Variants in MOBP observed in about 807,000 individuals in gnomAD.
MOBP encodes the protein myelin-associated oligodendrocyte basic protein.
A neutral mutation model predicts 15.0 loss-of-function variants in MOBP; 5 were observed. The observed-to-expected ratio is 0.33, with a 90% CI of 0.17 to 0.70. The LOEUF (loss-of-function observed/expected upper bound fraction) is 0.70. Ranked by LOEUF, MOBP falls within the 30% of genes least tolerant of loss-of-function variation. The probability of loss-of-function intolerance (pLI) is 0.67; values close to 1 mark genes in which losing one functional copy is unlikely to be tolerated. For missense variants in MOBP, 188 were observed against 257.8 expected (o/e 0.73, Z 1.85); for synonymous variants, 88 against 99.0 (o/e 0.89, Z 0.66).
chr3:39,501,452 G>A lies in MOBP; in HGVS notation c.-4-614G>A, dbSNP rs145226673. 1.3e-3 allele frequency among the ~76,000 whole-genome samples: 197 copies of A among 152,238 alleles called. 1 individual carries two copies. The highest frequency in any genetic ancestry group is 4.7e-3 in the African/African-American group (194 of 41,534). Reference sequence around the variant, plus strand: ...GCTCCCCTGTTGCCCCTTCTGAGTCGGAACCCACCTTCTCCAAATATAACT... The same window carrying A: ...GCTCCCCTGTTGCCCCTTCTGAGTCAGAACCCACCTTCTCCAAATATAACT... On this transcript the variant is annotated intron_variant, in intron 2 of 3. Coordinates refer to ENST00000684792, the MANE Select transcript of MOBP (RefSeq NM_001393704.1).
At chr3:39,484,652 TG>T (rs2042675548) in intron 2 of MOBP, among the ~76,000 whole-genome samples, 1 of 152,270 alleles carries the variant, frequency 6.6e-6, no homozygotes, top group Non-Finnish European at 1.5e-5. Context: ...AAGGGTATCA[TG>T]TTATTTACAT....
chr3:39,475,004 C>T (rs1285259151), intron 1 of MOBP, among the ~76,000 whole-genome samples: 1 of 152,172 alleles, frequency 6.6e-6, no homozygotes, highest in African/African-American at 2.4e-5. Context: ...AGTTTTACCA[C>T]TAAAGTCCTA....
chr3:39,482,682 C>T (rs1466280327), intron 2 of MOBP, among the ~76,000 whole-genome samples: 5 of 148,526 alleles, frequency 3.4e-5, no homozygotes, highest in African/African-American at 1.2e-4. Flanking sequence ...GCACCTCTGA[C>T]TATGACATAT....
chr3:39,493,857 A>G (rs751127657), intron 2 of MOBP, among the ~76,000 whole-genome samples: 2 of 152,204 alleles, frequency 1.3e-5, no homozygotes, highest in African/African-American at 2.4e-5. Flanking sequence ...GGTAAAAGAC[A>G]GGGGAAGGAA....
At chr3:39,469,268 G>T (rs2042430704) in intron 1 of MOBP, among the ~76,000 whole-genome samples, 1 of 135,680 alleles carries the variant, frequency 7.4e-6, no homozygotes, top group South Asian at 2.4e-4. Flanking sequence ...GTGTGTATAT[G>T]TATAGATATA....
chr3:39,492,938 A>C (rs72870916), intron 2 of MOBP, among the ~76,000 whole-genome samples: 2,682 of 152,200 alleles, frequency 0.018, 77 homozygotes, highest in African/African-American at 0.061. Flanking sequence ...ACCTGCATCT[A>C]CCCTTCATTC....
intron 4 of MOBP, among the ~76,000 whole-genome samples, chr3:39,510,422 T>C (rs1315589984): frequency 6.6e-6 from 1 of 152,170 alleles, no homozygotes; most frequent in Non-Finnish European, 1.5e-5. Flanking sequence ...TGGGGAAAAC[T>C]ATAACAATAC....
At chr3:39,518,019 A>G (rs917729127), downstream of MOBP, among the ~76,000 whole-genome samples, 1 of 152,256 alleles carries the variant, frequency 6.6e-6, no homozygotes, top group Admixed American at 6.5e-5. Context: ...CAAATCAGTT[A>G]TCTATCATAA....
At position 39,502,369 on chromosome 3, in the gene MOBP, C is replaced by T. The variant is rs1312111497; in HGVS notation, c.206+94C>T. The T allele has an allele frequency of 2.5e-6, 4 of 1,571,350 alleles. No homozygotes were observed. The highest frequency in any genetic ancestry group is 2.3e-5 in the South Asian group (2 of 86,246). ...TCCCGCTCCGCACCCCACTCTTCCCCCTAGTCGGCTCCGGGTTAGGCTCCG... is the reference window on the plus strand; with the variant it reads ...TCCCGCTCCGCACCCCACTCTTCCCTCTAGTCGGCTCCGGGTTAGGCTCCG... On this transcript the variant is annotated intron_variant, in intron 3 of 3. Coordinates refer to ENST00000684792, the MANE Select transcript of MOBP (RefSeq NM_001393704.1). This position sits in a 1 kb window ranked among gnomAD's most constrained non-coding sequence, Gnocchi z 6.3.
chr3:39,481,862 G>A (rs997213659), intron 2 of MOBP, among the ~76,000 whole-genome samples: 8 of 152,136 alleles, frequency 5.3e-5, no homozygotes, highest in African/African-American at 1.9e-4. Context: ...TGAGCATTCC[G>A]TCTTTTGAAA....
At chr3:39,505,615 TAGGTTAGCC>T (rs1047432455), downstream of MOBP, among the ~76,000 whole-genome samples, 1 of 152,228 alleles carries the variant, frequency 6.6e-6, no homozygotes, top group Non-Finnish European at 1.5e-5. Context: ...TGCAGAGGCC[TAGGTTAGCC>T]AGAGAGGCTT....
chr3:39,527,283 C>G (rs1249321629), downstream of MOBP: 1 of 152,012 alleles, frequency 6.6e-6, no homozygotes, highest in Non-Finnish European at 1.5e-5. Flanking sequence ...CATAAATATA[C>G]AAAGGCACTA....
At chr3:39,493,727 A>G (rs2125645565) in intron 2 of MOBP, among the ~76,000 whole-genome samples, 1 of 152,346 alleles carries the variant, frequency 6.6e-6, no homozygotes, top group Non-Finnish European at 1.5e-5. Context: ...ACACAAAGGA[A>G]GGAGGTATGA....
intron 1 of MOBP, 91 bp downstream of exon 1, chr3:39,467,831 A>G (rs1254076010): frequency 6.6e-6 from 1 of 152,204 alleles, no homozygotes. Context: ...CCATTTCATT[A>G]TATCCCAGGG....
chr3:39,479,569 G>T (rs1188328556), intron 1 of MOBP, among the ~76,000 whole-genome samples: 1 of 151,958 alleles, frequency 6.6e-6, no homozygotes, highest in Admixed American at 6.6e-5. Context: ...GTGATATACA[G>T]CACAAAGAAC....
intron 1 of MOBP, among the ~76,000 whole-genome samples, chr3:39,473,970 G>A (rs2042505670): frequency 6.6e-6 from 1 of 152,202 alleles, no homozygotes. Context: ...AGTAAAGTGA[G>A]CTGGGGAGGT....
At position 39,487,902 on chromosome 3, in the gene MOBP, G is replaced by A. The variant is rs550650333; in HGVS notation, c.-5+7779G>A. Reference sequence around the variant, plus strand: ...TCATCACATGCCACAAAAGACTGTTGGTGATTTTAGTAAGAAATGCATGAA... The same window carrying A: ...TCATCACATGCCACAAAAGACTGTTAGTGATTTTAGTAAGAAATGCATGAA... On this transcript the variant is annotated intron_variant, in intron 2 of 3. Transcript: ENST00000684792. Among the ~76,000 whole-genome samples, 3 of 152,112 alleles carry A rather than the reference G, an allele frequency of 2.0e-5. No homozygotes were observed. In the East Asian group the frequency reaches 5.8e-4, roughly 29 times the overall value.
downstream of MOBP, among the ~76,000 whole-genome samples, chr3:39,503,658 T>TTTA (rs2043009802): frequency 4.1e-5 from 6 of 147,890 alleles, no homozygotes; most frequent in African/African-American, 1.5e-4. Flanking sequence ...CTGGCCAATT[T>TTTA]TTTATTTATT....
At chr3:39,475,131 T>C (rs955844790) in intron 1 of MOBP, among the ~76,000 whole-genome samples, 10 of 152,288 alleles carry the variant, frequency 6.6e-5, no homozygotes, top group African/African-American at 2.4e-4. Flanking sequence ...CCTTTAGACT[T>C]TTTAAAAACA....
Sources: gnomAD v4.1 joint callset for allele counts (sites outside exome capture counted in the v4.1 genomes callset) on GRCh38, gnomAD v4.1.1 for gene constraint, Gnocchi (gnomAD v3.1) non-coding constraint, MANE v1.5 for transcripts, NCBI Gene and HGNC (gene_info 2026-07-23, HGNC 2026-07-21) for gene names.